Variants in TNK2 observed in about 807,000 individuals in gnomAD.
TNK2 encodes the protein tyrosine kinase non receptor 2.
Under a neutral mutation model 101.8 loss-of-function variants are expected in TNK2, and 83 were observed. The observed-to-expected ratio is 0.82, with a 90% CI of 0.68 to 0.98. The LOEUF (loss-of-function observed/expected upper bound fraction) is 0.98. Ranked by LOEUF, TNK2 falls within the 50% of genes least tolerant of loss-of-function variation. The pLI, the probability that TNK2 is intolerant of heterozygous loss-of-function variation, is 0.00. For synonymous variants in TNK2, 804 were observed against 633.0 expected, an observed-to-expected ratio of 1.27 and a Z score of -4.06; for missense variants, 1,665 against 1,483.2, an observed-to-expected ratio of 1.12 and a Z score of -2.01.
rs770464184 is a variant in TNK2 at position 195,888,408 on chromosome 3, G to T, written c.163+18C>A. 6.2e-7 allele frequency: 1 copy of T among 1,609,986 alleles called. No individual in the cohort carries two copies. The highest frequency in any genetic ancestry group is 1.1e-5 in the South Asian group (1 of 90,792). ...AAAGGGTCAGGGGCAAGACAAGCCAGGCCAACATCCCACCTACCAGGCCGA... is the reference window on the plus strand; with the variant it reads ...AAAGGGTCAGGGGCAAGACAAGCCATGCCAACATCCCACCTACCAGGCCGA... On this transcript the variant is annotated intron_variant, in intron 2 of 15. Coordinates refer to ENST00000672887, the MANE Select transcript of TNK2 (RefSeq NM_001382273.1). This position sits in a 1 kb window ranked among gnomAD's most constrained non-coding sequence, Gnocchi z 5.3.
At chr3:195,895,981 G>A in intron 1 of TNK2, 1 of 327,652 alleles carries the variant, frequency 3.1e-6, no homozygotes, top group Admixed American at 4.4e-5. Flanking sequence ...CCCGCCCCGA[G>A]GCCCCCGCGG....
intron 15 of TNK2, among the ~76,000 whole-genome samples, chr3:195,865,331 C>G (rs1576971453): frequency 8.3e-6 from 1 of 119,774 alleles, no homozygotes; most frequent in African/African-American, 3.3e-5. Flanking sequence ...CAGGTGACAG[C>G]GAGTGCCTGC....
At position 195,868,655 on chromosome 3, in the gene TNK2, T is replaced by C; in HGVS notation, c.1643A>G (p.Lys548Arg). 1.3e-6 allele frequency: 2 copies of C among 1,593,784 alleles called. No homozygotes were observed. Among genetic ancestry groups the C allele is most frequent in the East Asian group, 2.3e-5 (1 of 44,344 alleles). ...GCCTGGCTTCCGCAGGCCCAGCCTC[T>C]TGAAGTCGCTGGACAAGGGGTCTTG... ...EDQDPLSSDF[K>R]RLGLRKPGLP... Residue 548 changes from lysine to arginine, a missense_variant, in exon 13 of 16, where the codon AAG (lysine) becomes AGG (arginine). By Grantham distance (26) the Lys-to-Arg change is conservative. This residue lies in a region of TNK2 where 1,136 missense variants were observed against 894.9 expected (regional missense o/e 1.27). Transcript: ENST00000672887.
intron 1 of TNK2, among the ~76,000 whole-genome samples, chr3:195,906,579 AG>A (rs1761739908): frequency 6.7e-6 from 1 of 149,676 alleles, no homozygotes; most frequent in Non-Finnish European, 1.5e-5. Flanking sequence ...TACCTGGGGT[AG>A]GGGATGGCAG....
intron 1 of TNK2, chr3:195,894,246 A>C (rs1759715563): frequency 6.6e-6 from 1 of 152,264 alleles, no homozygotes; most frequent in South Asian, 2.1e-4. Flanking sequence ...CTGGATCAGA[A>C]TGGCCAGATT....
At chr3:195,876,731 G>A (rs1407042860) in intron 9 of TNK2, 7 of 435,418 alleles carry the variant, frequency 1.6e-5, no homozygotes, top group Admixed American at 7.5e-5. Context: ...AGCGGCTGGG[G>A]CCAACGGGGG....
chr3:195,900,870 G>T (rs529241957), intron 1 of TNK2, among the ~76,000 whole-genome samples: 2 of 152,298 alleles, frequency 1.3e-5, no homozygotes, highest in African/African-American at 4.8e-5. Flanking sequence ...TCGTCATCCT[G>T]CCTGCTGCCA....
intron 1 of TNK2, among the ~76,000 whole-genome samples, chr3:195,889,761 G>A (rs1008004153): frequency 3.3e-5 from 5 of 152,174 alleles, no homozygotes; most frequent in Admixed American, 6.5e-5. Context: ...CTAAGCAAGC[G>A]GACCCACCGC....
At chr3:195,877,072 C>G (rs916967866) in intron 9 of TNK2, among the ~76,000 whole-genome samples, 3 of 151,712 alleles carry the variant, frequency 2.0e-5, no homozygotes, top group South Asian at 2.1e-4. Flanking sequence ...TTCCAGGGGA[C>G]CCCCCCACCC....
Position 195,884,916 on chromosome 3 carries a change from T to C in TNK2, c.352A>G (p.Thr118Ala). Reference sequence around the variant, plus strand: ...AGGTCCTTCTCCCCAATGAGGCAGGTGAGGCTCTGCAGGGGCCCCTCCCCT... The same window carrying C: ...AGGTCCTTCTCCCCAATGAGGCAGGCGAGGCTCTGCAGGGGCCCCTCCCCT... ...PAGEGPLQSL[T>A]CLIGEKDLRL... is the part of the protein sequence containing the mutation. The change falls in exon 4 of 16, where the codon ACC becomes GCC. Residue 118 changes from threonine to alanine, a missense_variant. Coordinates refer to ENST00000672887, the MANE Select transcript of TNK2 (RefSeq NM_001382273.1). 1 of 1,613,762 alleles carries C rather than the reference T, an allele frequency of 6.2e-7. No individual in the cohort carries two copies. Among genetic ancestry groups the C allele is most frequent in the South Asian group, 1.1e-5 (1 of 91,078 alleles).
rs756469980 is a variant in TNK2, at chr3:195,866,914, CCAG to C, written c.3133_3135del (p.Leu1045del). On this transcript the variant is annotated inframe_deletion, in exon 15 of 16. Transcript: ENST00000672887. ...TTGTGGTGGGCAGGGCCCCAGGAGC[CCAG>C]AAGGTGGCAGCCGGCCTGCTCCAGG... The C allele has an allele frequency of 4.3e-6, 7 of 1,611,820 alleles. No homozygotes were observed. In the South Asian group the frequency reaches 5.5e-5, roughly 13 times the overall value.
chr3:195,868,310 C>G lies in TNK2; in HGVS notation c.1988G>C (p.Cys663Ser). Residue 663 changes from cysteine to serine, a missense_variant, in exon 13 of 16, where the codon TGC becomes TCC. Cys to Ser is a moderately radical substitution (Grantham distance 112, BLOSUM62 -1). Transcript: ENST00000672887. ...GCCCACGAGGGTGCTGTTGATGGAG[C>G]AGATCTCAAAGTCATCCTCATCCTG... ...VAQDEDDFEI[C>S]SINSTLVGAG... 1 of 1,603,390 alleles carries G rather than the reference C, an allele frequency of 6.2e-7. No homozygotes were observed. The highest frequency in any genetic ancestry group is 8.5e-7 in the Non-Finnish European group (1 of 1,179,394).
intron 1 of TNK2, among the ~76,000 whole-genome samples, chr3:195,901,128 A>G (rs1292109457): frequency 6.6e-6 from 1 of 152,124 alleles, no homozygotes; most frequent in Non-Finnish European, 1.5e-5. Context: ...AGCCAGAGAA[A>G]TGTCCGGTGC....
chr3:195,892,295 C>T, intron 1 of TNK2: 1 of 1,065,586 alleles, frequency 9.4e-7, no homozygotes, highest in Non-Finnish European at 1.3e-6. Flanking sequence ...CCCCGTCAAG[C>T]CCTCACTGGC....
At chr3:195,896,222 C>T (rs1173137651) in intron 1 of TNK2, 2 of 413,936 alleles carry the variant, frequency 4.8e-6, no homozygotes, top group Admixed American at 5.6e-5. Flanking sequence ...GGCACCGCTT[C>T]TCATTCTGGT....
chr3:195,863,863 C>A lies in TNK2; in HGVS notation c.*318G>T. On this transcript the variant is annotated 3_prime_UTR_variant, in exon 16 of 16. Transcript: ENST00000672887. ...CTGGGGGTACTACTCCACCCACAGG[C>A]CCCGCCCAGGACCAGGGCCAGAGGC... 2 of 381,862 alleles carry A rather than the reference C, an allele frequency of 5.2e-6. No individual in the cohort carries two copies. Among genetic ancestry groups the A allele is most frequent in the South Asian group, 1.3e-4 (2 of 15,272 alleles). The allele number at this position is 381,862 out of a possible 1,614,324, so 23.7% of individuals were successfully genotyped here.
chr3:195,904,091 G>C (rs956581987), intron 1 of TNK2, among the ~76,000 whole-genome samples: 1 of 146,950 alleles, frequency 6.8e-6, no homozygotes, highest in Non-Finnish European at 1.5e-5. Flanking sequence ...CGTCTCTACA[G>C]AAAATTCCAA....
At chr3:195,891,911 CCT>C in intron 1 of TNK2, 1 of 986,776 alleles carries the variant, frequency 1.0e-6, no homozygotes. Flanking sequence ...AGCTAATGCA[CCT>C]CTGTTCAGCT....
rs1289594472 is a variant in TNK2, at chr3:195,867,497, G to A, written c.2801C>T (p.Pro934Leu). The A allele has an allele frequency of 1.9e-6, 3 of 1,570,138 alleles. No homozygotes were observed. The highest frequency in any genetic ancestry group is 1.8e-5 in the Admixed American group (1 of 56,334). Residue 934 changes from proline (P) to leucine (L), a missense_variant, in exon 13 of 16, where the codon CCC (proline) becomes CTC (leucine). Physicochemically the swap from Pro to Leu is moderately conservative, Grantham distance 98. Around this residue, in one of 3 missense-constraint regions of TNK2, gnomAD observed 1,136 missense variants for 894.9 expected, o/e 1.27. Coordinates refer to ENST00000672887, the MANE Select transcript of TNK2 (RefSeq NM_001382273.1). ...VRPMPQAALD[P>L]KANFSTNNSN... ...GTTGTTGGTGGAGAAGTTGGCCTTG[G>A]GGTCCAAGGCAGCCTGGGGCATCGG...
Sources: allele counts gnomAD v4.1 joint callset (sites outside exome capture counted in the v4.1 genomes callset), GRCh38; gene constraint gnomAD v4.1.1; regional missense constraint gnomAD v4.1.1; non-coding constraint Gnocchi (gnomAD v3.1); transcripts MANE v1.5; gene names NCBI Gene and HGNC (gene_info 2026-07-23, HGNC 2026-07-21).